HSD17B6: variants seen among roughly 807,000 people sequenced by gnomAD.
The protein encoded by HSD17B6 is hydroxysteroid 17-beta dehydrogenase 6.
In HSD17B6, 16 loss-of-function variants were observed where a neutral mutation model predicts 26.4. The observed-to-expected ratio is 0.61, with a 90% CI of 0.41 to 0.92. The LOEUF (loss-of-function observed/expected upper bound fraction) is 0.92, where lower values mean the gene tolerates loss of function less well. Among genes scored for constraint, HSD17B6 ranks in the 40% least tolerant of loss-of-function variants. HSD17B6 has a pLI of 0.00. For missense variants in HSD17B6, 357 were observed against 386.1 expected (o/e 0.92, Z 0.63); for synonymous variants, 139 against 153.0 (o/e 0.91, Z 0.68).
chr12:56,777,495 G>C (rs1954618989), intron 2 of HSD17B6, among the ~76,000 whole-genome samples: 1 of 151,342 alleles, frequency 6.6e-6, no homozygotes, highest in Non-Finnish European at 1.5e-5. Context: ...CTCCCAAGTA[G>C]CTGGGATTAC....
In HSD17B6 at chr12:56,781,673, G is replaced by A. The variant is rs761040490; in HGVS notation, c.314-301G>A. Among the ~76,000 whole-genome samples, 34 of 152,068 alleles carry A rather than the reference G, an allele frequency of 2.2e-4. 1 individual carries two copies. The highest frequency in any genetic ancestry group is 3.8e-4 in the Non-Finnish European group (26 of 68,030). ...AAACATTGGCTGGGTGTGGTGGTGCGTGCCTGTAGTCCCAGCTACTTGGGA... is the reference window on the plus strand; with the variant it reads ...AAACATTGGCTGGGTGTGGTGGTGCATGCCTGTAGTCCCAGCTACTTGGGA... On this transcript the variant is annotated intron_variant, in intron 2 of 4. Coordinates refer to ENST00000322165, the MANE Select transcript of HSD17B6 (RefSeq NM_003725.4).
chr12:56,776,805 C>T (rs565785464), intron 2 of HSD17B6, among the ~76,000 whole-genome samples: 1 of 152,324 alleles, frequency 6.6e-6, no homozygotes, highest in Admixed American at 6.5e-5. Flanking sequence ...GTATGAGCTA[C>T]TGCGTCAAGC....
chr12:56,778,154 C>A (rs1478535104), intron 2 of HSD17B6, among the ~76,000 whole-genome samples: 1 of 152,156 alleles, frequency 6.6e-6, no homozygotes, highest in African/African-American at 2.4e-5. Context: ...TATCTGTGCC[C>A]TTGGTTTCTT....
intron 2 of HSD17B6, among the ~76,000 whole-genome samples, chr12:56,780,546 T>C (rs563925513): frequency 4.6e-5 from 7 of 152,266 alleles, no homozygotes; most frequent in Admixed American, 4.6e-4. Flanking sequence ...TGTTCTCCTC[T>C]GCCTTTGCCT....
At position 56,774,812 on chromosome 12, in the gene HSD17B6, G is replaced by A. The variant is rs185704604; in HGVS notation, c.313+647G>A. ...TGCTGCCACTGACCTGACAGGAGGC[G>A]GAGCTCAGGCAGTAATGCCTGTGAT... On this transcript the variant is annotated intron_variant, in intron 2 of 4. Transcript: ENST00000322165. Among the ~76,000 whole-genome samples the A allele has an allele frequency of 3.9e-5, 6 of 152,328 alleles. No individual in the cohort carries two copies. In the South Asian group the frequency reaches 6.2e-4, roughly 16 times the overall value.
At chr12:56,777,029 T>C (rs1233269670) in intron 2 of HSD17B6, among the ~76,000 whole-genome samples, 2 of 152,204 alleles carry the variant, frequency 1.3e-5, no homozygotes, top group East Asian at 1.9e-4. Context: ...TTCAGTAGAT[T>C]CTGGTAATTG....
chr12:56,787,526 GTGA>G lies in HSD17B6; in HGVS notation c.*188_*190del. On this transcript the variant is annotated 3_prime_UTR_variant, in exon 5 of 5. Transcript: ENST00000322165. ...AGATATCCAAAGCTTACCACTTTAGGTGATGAATCTTTACTATTTTAGCCCTTT... is the reference window on the plus strand; with the variant it reads ...AGATATCCAAAGCTTACCACTTTAGGTGAATCTTTACTATTTTAGCCCTTT... 1.7e-6 allele frequency: 1 copy of G among 581,186 alleles called. No homozygotes were observed. The highest frequency in any genetic ancestry group is 3.0e-6 in the Non-Finnish European group (1 of 329,592). The allele number at this position is 581,186 out of a possible 1,614,324, so 36.0% of individuals were successfully genotyped here. A position where few individuals can be genotyped will look rare whatever the true frequency, so the allele number is the denominator to read the frequency against.
In HSD17B6 at chr12:56,787,316, T is replaced by G. The variant is rs1214279753; in HGVS notation, c.928T>G (p.Trp310Gly). The change falls in exon 5 of 5, where the codon TGG becomes GGG. Residue 310 changes from tryptophan to glycine, a missense_variant. Physicochemically the swap from Trp to Gly is radical, Grantham distance 184. Transcript: ENST00000322165. ...SLADYILTRS[W>G]PKPAQAV Reference sequence around the variant, plus strand: ...GGCAGACTACATTTTGACTAGATCTTGGCCCAAACCAGCCCAGGCAGTCTA... The same window carrying G: ...GGCAGACTACATTTTGACTAGATCTGGGCCCAAACCAGCCCAGGCAGTCTA... The G allele has an allele frequency of 6.2e-7, 1 of 1,613,876 alleles. No homozygotes were observed. Among genetic ancestry groups the G allele is most frequent in the African/African-American group, 1.3e-5 (1 of 74,942 alleles).
At chr12:56,786,860 C>CA (rs1421204931) in intron 4 of HSD17B6, among the ~76,000 whole-genome samples, 1 of 151,212 alleles carries the variant, frequency 6.6e-6, no homozygotes, top group Non-Finnish European at 1.5e-5. Context: ...AAAGAAACCC[C>CA]AAAAAACAAC....
At chr12:56,771,257 C>T (rs1954466569) in intron 1 of HSD17B6, among the ~76,000 whole-genome samples, 2 of 152,142 alleles carry the variant, frequency 1.3e-5, no homozygotes, top group African/African-American at 4.8e-5. Context: ...CCTGTGCCTT[C>T]CCCCTTTGTC....
chr12:56,785,436 T>C (rs1483032550), intron 4 of HSD17B6, among the ~76,000 whole-genome samples: 3 of 151,914 alleles, frequency 2.0e-5, no homozygotes, highest in Non-Finnish European at 4.4e-5. Context: ...GAAAAGAGGG[T>C]TGGTGGACAA....
intron 3 of HSD17B6, among the ~76,000 whole-genome samples, chr12:56,784,643 G>T (rs1445926792): frequency 6.6e-6 from 1 of 152,184 alleles, no homozygotes; most frequent in Non-Finnish European, 1.5e-5. Flanking sequence ...TCCAGCTTCC[G>T]CTCGGCATCA....
rs2137940471 is a variant in HSD17B6 at position 56,787,438 on chromosome 12, ATG to A, written c.*100_*101del. The A allele has an allele frequency of 1.3e-6, 1 of 773,270 alleles. No homozygotes were observed. The highest frequency in any genetic ancestry group is 2.7e-5 in the East Asian group (1 of 37,404). 47.9% of individuals were successfully genotyped at this position (773,270 alleles called of 1,614,324 possible). A position where few individuals can be genotyped will look rare whatever the true frequency, so the allele number is the denominator to read the frequency against. On this transcript the variant is annotated 3_prime_UTR_variant, in exon 5 of 5. Coordinates refer to ENST00000322165, the MANE Select transcript of HSD17B6 (RefSeq NM_003725.4). ...TTTAGAACCCAGGCTTTTTGTAACAATGTGTTTTCTTGCCTAAATTCATTTAT... is the reference window on the plus strand; with the variant it reads ...TTTAGAACCCAGGCTTTTTGTAACAATGTTTTCTTGCCTAAATTCATTTAT...
At chr12:56,781,905 C>T (rs961748369) in intron 2 of HSD17B6, 69 bp from the exon 3 acceptor site, 22 of 1,518,294 alleles carry the variant, frequency 1.4e-5, no homozygotes, top group Non-Finnish European at 2.0e-5. Flanking sequence ...GATTCTTTCC[C>T]CACCAAAGTT....
intron 1 of HSD17B6, among the ~76,000 whole-genome samples, chr12:56,765,655 G>C (rs917030706): frequency 2.6e-5 from 4 of 151,126 alleles, no homozygotes; most frequent in Non-Finnish European, 5.9e-5. Flanking sequence ...GGGACTACAG[G>C]CACTCCCCAC....
At position 56,782,249 on chromosome 12, in the gene HSD17B6, C is replaced by G; in HGVS notation, c.572+17C>G. On this transcript the variant is annotated intron_variant, in intron 3 of 4. Coordinates refer to ENST00000322165, the MANE Select transcript of HSD17B6 (RefSeq NM_003725.4). ...TATTCTGAGGTAACTTAAGTTAAAACAAAAACAGCTATTGAGCACTGAAAT... is the reference window on the plus strand; with the variant it reads ...TATTCTGAGGTAACTTAAGTTAAAAGAAAAACAGCTATTGAGCACTGAAAT... 1 of 1,609,704 alleles carries G rather than the reference C, an allele frequency of 6.2e-7. No homozygotes were observed. The highest frequency in any genetic ancestry group is 8.5e-7 in the Non-Finnish European group (1 of 1,178,202).
chr12:56,778,190 A>G (rs1954632722), intron 2 of HSD17B6, among the ~76,000 whole-genome samples: 1 of 152,164 alleles, frequency 6.6e-6, no homozygotes, highest in Non-Finnish European at 1.5e-5. Context: ...ATTTCCAACT[A>G]CTTGCCGCAT....
intron 1 of HSD17B6, among the ~76,000 whole-genome samples, chr12:56,766,701 AAGTG>A (rs1954337809): frequency 6.6e-6 from 1 of 152,104 alleles, no homozygotes; most frequent in Non-Finnish European, 1.5e-5. Context: ...ATGAGAGGGG[AAGTG>A]AGAGTGACAC....
chr12:56,783,586 G>A (rs1474802269), intron 3 of HSD17B6, among the ~76,000 whole-genome samples: 11 of 140,736 alleles, frequency 7.8e-5, no homozygotes, highest in East Asian at 2.2e-4. Flanking sequence ...CTGGCCGGGC[G>A]GGGGCTGACC....
Sources: allele counts gnomAD v4.1 joint callset (sites outside exome capture counted in the v4.1 genomes callset), GRCh38; gene constraint gnomAD v4.1.1; transcripts MANE v1.5; gene names NCBI Gene and HGNC (gene_info 2026-07-23, HGNC 2026-07-21).